MYO1D: variants seen among roughly 807,000 people sequenced by gnomAD.
The protein encoded by MYO1D is unconventional myosin-Id.
MYO1D carries 83 observed loss-of-function variants against 122.0 expected under a neutral mutation model. The observed-to-expected ratio is 0.68, with a 90% confidence interval of 0.57 to 0.82. The LOEUF (loss-of-function observed/expected upper bound fraction) is 0.82. Ranked by LOEUF, MYO1D falls within the 40% of genes least tolerant of loss-of-function variation. The pLI is 0.00. For synonymous variants in MYO1D, 464 were observed against 446.9 expected (o/e 1.04, Z -0.48); for missense variants, 1,157 against 1,269.5 (o/e 0.91, Z 1.35).
At chr17:32,530,407 GA>G (rs986224962) in intron 21 of MYO1D, among the ~76,000 whole-genome samples, 2 of 152,172 alleles carry the variant, frequency 1.3e-5, no homozygotes, top group African/African-American at 2.4e-5. Context: ...GATGAGAAGA[GA>G]AAAAATTACA....
intron 21 of MYO1D, among the ~76,000 whole-genome samples, chr17:32,513,150 A>T (rs1246958879): frequency 6.6e-6 from 1 of 152,218 alleles, no homozygotes; most frequent in Non-Finnish European, 1.5e-5. Context: ...GGTGTGGTAT[A>T]CAGTAGGTGC....
intron 21 of MYO1D, 125 bp downstream of exon 21, chr17:32,604,962 A>T: frequency 1.1e-6 from 1 of 903,446 alleles, no homozygotes; most frequent in Non-Finnish European, 1.6e-6. Context: ...CAGATGATTT[A>T]AGTTGTCCTT....
intron 1 of MYO1D, among the ~76,000 whole-genome samples, chr17:32,822,600 C>A (rs1286579453): frequency 1.3e-5 from 2 of 148,480 alleles, no homozygotes; most frequent in Non-Finnish European, 3.0e-5. Flanking sequence ...GCGGCCGCGC[C>A]GAGCCGGGCC....
chr17:32,778,370 C>T, intron 3 of MYO1D, 110 bp downstream of exon 3: 2 of 902,976 alleles, frequency 2.2e-6, no homozygotes, highest in Non-Finnish European at 3.5e-6. Flanking sequence ...AAATGCTCAG[C>T]CCATAGGTTT....
intron 1 of MYO1D, among the ~76,000 whole-genome samples, chr17:32,874,464 T>A (rs933931898): frequency 3.3e-5 from 5 of 152,206 alleles, no homozygotes; most frequent in African/African-American, 7.2e-5. Flanking sequence ...TGTCTCAGCC[T>A]CCTGATGTTG....
chr17:32,512,916 G>T (rs1909744749), intron 21 of MYO1D: 2 of 152,280 alleles, frequency 1.3e-5, no homozygotes, highest in South Asian at 4.1e-4. Flanking sequence ...ATGAGTGGGG[G>T]CTACATTTCA....
intron 16 of MYO1D, among the ~76,000 whole-genome samples, chr17:32,680,968 G>A (rs1300896723): frequency 3.9e-5 from 6 of 152,186 alleles, no homozygotes; most frequent in South Asian, 4.2e-4. Flanking sequence ...CTTCTTCCTG[G>A]TTTAGTCTTG....
chr17:32,747,274 G>C (rs1315534762), intron 12 of MYO1D, among the ~76,000 whole-genome samples: 1 of 152,124 alleles, frequency 6.6e-6, no homozygotes, highest in African/African-American at 2.4e-5. Context: ...TCCTGCAATG[G>C]ATTACATGTA....
At chr17:32,583,830 C>T (rs184644765) in intron 21 of MYO1D, among the ~76,000 whole-genome samples, 77 of 152,186 alleles carry the variant, frequency 5.1e-4, no homozygotes, top group Admixed American at 4.3e-3. Context: ...GCCTCAACCT[C>T]CTGGGCTCAA....
chr17:32,656,531 C>T (rs976742747), intron 17 of MYO1D, among the ~76,000 whole-genome samples: 2 of 152,190 alleles, frequency 1.3e-5, no homozygotes, highest in Non-Finnish European at 2.9e-5. Flanking sequence ...AAAGCTGTGC[C>T]TGTTCCCTGC....
chr17:32,727,955 T>C (rs927205468), intron 14 of MYO1D, among the ~76,000 whole-genome samples: 1 of 152,202 alleles, frequency 6.6e-6, no homozygotes, highest in Non-Finnish European at 1.5e-5. Flanking sequence ...GAAATAGAGA[T>C]GTTTCATAAT....
At chr17:32,509,907 C>G (rs914252612) in intron 21 of MYO1D, 2 of 152,136 alleles carry the variant, frequency 1.3e-5, no homozygotes, top group African/African-American at 4.8e-5. Context: ...CAGCAGCATG[C>G]CTGCGGAGTT....
intron 13 of MYO1D, among the ~76,000 whole-genome samples, chr17:32,739,353 TG>T (rs1402468032): frequency 3.9e-5 from 6 of 152,104 alleles, no homozygotes; most frequent in Non-Finnish European, 5.9e-5. Flanking sequence ...GGAACATGGA[TG>T]AAGCTGGAAA....
At chr17:32,564,639 G>C (rs957901329) in intron 21 of MYO1D, among the ~76,000 whole-genome samples, 8 of 152,178 alleles carry the variant, frequency 5.3e-5, no homozygotes, top group Non-Finnish European at 8.8e-5. Flanking sequence ...TGAACTTGTG[G>C]TTTAATGGGG....
chr17:32,793,803 G>C (rs1417837635), intron 1 of MYO1D, among the ~76,000 whole-genome samples: 1 of 152,198 alleles, frequency 6.6e-6, no homozygotes, highest in Non-Finnish European at 1.5e-5. Flanking sequence ...TGATCACGTG[G>C]AAGCTGTTTA....
At position 32,653,926 on chromosome 17, in the gene MYO1D, A is replaced by C; in HGVS notation, c.2512T>G (p.Ser838Ala). ...LASKPDTPQT[S>A]GTFVPVANEL... ...TTAGCAACAGGGACAAAAGTGCCTG[A>C]GGTCTGAGGTGTATCTGGCTTCTGA... Residue 838 changes from serine (S) to alanine (A), a missense_variant, in exon 19 of 22, where the codon TCA becomes GCA. Physicochemically the swap from Ser to Ala is moderately conservative, Grantham distance 99. Coordinates refer to ENST00000318217, the MANE Select transcript of MYO1D (RefSeq NM_015194.3). 6.2e-7 allele frequency: 1 copy of C among 1,613,684 alleles called. No individual in the cohort carries two copies. Among genetic ancestry groups the C allele is most frequent in the Non-Finnish European group, 8.5e-7 (1 of 1,179,704 alleles).
intron 21 of MYO1D, among the ~76,000 whole-genome samples, chr17:32,535,474 G>A (rs1910633396): frequency 6.6e-6 from 1 of 152,196 alleles, no homozygotes; most frequent in African/African-American, 2.4e-5. Context: ...GTGGCCGGGC[G>A]CGGTGGCTCA....
rs2089869494 is a variant in MYO1D, at chr17:32,748,948, G to A, written c.1526C>T (p.Ala509Val). The A allele has an allele frequency of 6.2e-7, 1 of 1,613,224 alleles. No individual in the cohort carries two copies. Among genetic ancestry groups the A allele is most frequent in the African/African-American group, 1.3e-5 (1 of 74,900 alleles). ...FDRDFRIRHYAGDVVYSVIGF... is the reference protein window; with the variant it reads ...FDRDFRIRHYVGDVVYSVIGF... Reference sequence around the variant, plus strand: ...GTAAGATACTCACACTACATCGCCTGCATAATGTCGAATTCGAAAATCTCG... The same window carrying A: ...GTAAGATACTCACACTACATCGCCTACATAATGTCGAATTCGAAAATCTCG... Residue 509 changes from alanine to valine, a missense_variant, in exon 12 of 22, where the codon GCA becomes GTA. Ala to Val is a moderately conservative substitution (Grantham distance 64). Coordinates refer to ENST00000318217, the MANE Select transcript of MYO1D (RefSeq NM_015194.3).
At chr17:32,575,673 T>C (rs1252142843) in intron 21 of MYO1D, among the ~76,000 whole-genome samples, 1 of 152,218 alleles carries the variant, frequency 6.6e-6, no homozygotes, top group East Asian at 1.9e-4. Context: ...AACTTTGTTT[T>C]CACTCCATTA....
Sources: allele counts gnomAD v4.1 joint callset (sites outside exome capture counted in the v4.1 genomes callset), GRCh38; gene constraint gnomAD v4.1.1; transcripts MANE v1.5; gene names NCBI Gene and HGNC (gene_info 2026-07-23, HGNC 2026-07-21).